The following ZRANB2 variants were observed in gnomAD, a reference collection of about 807,000 sequenced individuals.
ZRANB2 encodes zinc finger RANBP2-type containing 2.
ZRANB2 carries 19 observed loss-of-function variants against 53.4 expected under a neutral mutation model. That is an observed-to-expected ratio of 0.36 (90% CI 0.25 to 0.52). ZRANB2 has a LOEUF of 0.52. Among genes scored for constraint, ZRANB2 ranks in the 20% least tolerant of loss-of-function variants. The probability of loss-of-function intolerance (pLI) is 0.93; values close to 1 mark genes in which losing one functional copy is unlikely to be tolerated. For missense variants in ZRANB2, 309 were observed against 401.1 expected (o/e 0.77, Z 1.96); for synonymous variants, 145 against 134.8 (o/e 1.08, Z -0.52).
Position 71,069,377 on chromosome 1 carries a change from A to T in ZRANB2, c.684-15T>A. The T allele has an allele frequency of 6.2e-7, 1 of 1,610,868 alleles. No individual in the cohort carries two copies. The highest frequency in any genetic ancestry group is 1.1e-5 in the South Asian group (1 of 90,772). On this transcript the variant is annotated splice_polypyrimidine_tract_variant and intron_variant, in intron 7 of 9. Coordinates refer to ENST00000370920, the MANE Select transcript of ZRANB2 (RefSeq NM_203350.3). ...TTGAACGGGACCTGGAACAACATGG[A>T]ACGATTTTTTTTTTCCAGGACCATT...
At position 71,064,077 on chromosome 1, in the gene ZRANB2, AAAT is replaced by A. The variant is rs1277561158; in HGVS notation, c.*994_*996del. 4 of 152,482 alleles carry A rather than the reference AAAT, an allele frequency of 2.6e-5. No individual in the cohort carries two copies. The highest frequency in any genetic ancestry group is 4.8e-5 in the African/African-American group (2 of 41,464). The allele number at this position is 152,482 out of a possible 1,614,324, so 9.4% of individuals were successfully genotyped here. On this transcript the variant is annotated 3_prime_UTR_variant, in exon 10 of 10. Transcript: ENST00000370920. ...ATAACTTATTTCAAATGAATAGGAA[AAAT>A]AATGACTTTTGCTTACATCATGCAG...
intron 9 of ZRANB2, among the ~76,000 whole-genome samples, chr1:71,065,466 A>C (rs1251002243): frequency 6.6e-6 from 1 of 152,098 alleles, no homozygotes; most frequent in Non-Finnish European, 1.5e-5. Flanking sequence ...AAAAGCATAT[A>C]AACTTGGTAA....
At chr1:71,075,143 A>G (rs966249037) in intron 4 of ZRANB2, among the ~76,000 whole-genome samples, 1 of 152,222 alleles carries the variant, frequency 6.6e-6, no homozygotes, top group Non-Finnish European at 1.5e-5. Context: ...CCTAAAAGCA[A>G]TCAAAATGGG....
rs1210968078 is a variant in ZRANB2, at chr1:71,066,672, G to A, written c.929+104C>T. 1.3e-5 allele frequency: 16 copies of A among 1,216,938 alleles called. No homozygotes were observed. In the South Asian group the frequency reaches 1.9e-4, roughly 14 times the overall value. 75.4% of individuals were successfully genotyped at this position (1,216,938 alleles called of 1,614,324 possible). On this transcript the variant is annotated intron_variant, in intron 9 of 9. Coordinates refer to ENST00000370920, the MANE Select transcript of ZRANB2 (RefSeq NM_203350.3). The stretch of plus-strand genomic sequence containing the variant: ...GTTCAAAGTTGAAAAGTAGAAAGTC[G>A]GAACACAAGAGATAATAAAAATCTA...
intron 7 of ZRANB2, among the ~76,000 whole-genome samples, chr1:71,069,809 A>T (rs1011568918): frequency 6.6e-6 from 1 of 152,086 alleles, no homozygotes; most frequent in Non-Finnish European, 1.5e-5. Flanking sequence ...TTTCATCCCT[A>T]TATTTTTCTG....
intron 9 of ZRANB2, 166 bp downstream of exon 9, chr1:71,066,610 A>G (rs1661445340): frequency 3.7e-6 from 2 of 547,450 alleles, no homozygotes; most frequent in Non-Finnish European, 3.0e-6. Flanking sequence ...CAACCTGATC[A>G]AAGTACAAAG....
At position 71,069,174 on chromosome 1, in the gene ZRANB2, T is replaced by G. The variant is rs554305655; in HGVS notation, c.770+102A>C. On this transcript the variant is annotated intron_variant, in intron 8 of 9. Coordinates refer to ENST00000370920, the MANE Select transcript of ZRANB2 (RefSeq NM_203350.3). Reference sequence around the variant, plus strand: ...TTAGTTTTCTAATGCTAAAATAAAATCGACAAGTAGAAGCAAAATAAGGGG... The same window carrying G: ...TTAGTTTTCTAATGCTAAAATAAAAGCGACAAGTAGAAGCAAAATAAGGGG... 4 of 899,654 alleles carry G rather than the reference T, an allele frequency of 4.4e-6. No individual in the cohort carries two copies. The South Asian group carries it at 7.5e-5, about 17-fold the overall frequency. 55.7% of individuals were successfully genotyped at this position (899,654 alleles called of 1,614,324 possible).
In ZRANB2 at chr1:71,078,793, T is replaced by A. The variant is rs1573062702; in HGVS notation, c.57-85A>T. ...CTTGTCCTCACTACATATCTGGAAT[T>A]CATAACTTCTAATCCATCTTAGTCA... On this transcript the variant is annotated intron_variant, in intron 1 of 9. Transcript: ENST00000370920. 2.0e-5 allele frequency: 23 copies of A among 1,142,522 alleles called. No individual in the cohort carries two copies. The East Asian group carries it at 5.8e-4, about 29-fold the overall frequency. The allele number at this position is 1,142,522 out of a possible 1,614,324, so 70.8% of individuals were successfully genotyped here.
chr1:71,071,987 A>G, intron 6 of ZRANB2, 134 bp downstream of exon 6: 1 of 1,339,134 alleles, frequency 7.5e-7, no homozygotes, highest in Non-Finnish European at 1.0e-6. Context: ...GCAGAGTGGA[A>G]ATCCAAAACC....
intron 8 of ZRANB2, among the ~76,000 whole-genome samples, chr1:71,068,203 C>G (rs538084818): frequency 4.1e-4 from 63 of 152,118 alleles, no homozygotes; most frequent in Non-Finnish European, 8.1e-4. Flanking sequence ...TGCAAGTGTG[C>G]ACAACATTCT....
chr1:71,072,325 T>A (rs1661613128), intron 5 of ZRANB2, 70 bp from the exon 6 acceptor site: 26 of 1,462,066 alleles, frequency 1.8e-5, no homozygotes, highest in African/African-American at 2.9e-5. Flanking sequence ...TTCTAAAAAA[T>A]TATTTTAGAT....
intron 4 of ZRANB2, among the ~76,000 whole-genome samples, chr1:71,074,655 G>T (rs1197492635): frequency 2.0e-5 from 3 of 149,132 alleles, no homozygotes; most frequent in African/African-American, 7.4e-5. Context: ...ATCTTTAATG[G>T]TTTTTTTTTT....
chr1:71,069,484 T>C (rs1573053545), intron 7 of ZRANB2, 122 bp from the exon 8 acceptor site: 2 of 562,758 alleles, frequency 3.6e-6, no homozygotes, highest in South Asian at 6.1e-5. Flanking sequence ...CTATACAAGA[T>C]ATATACTTTC....
chr1:71,065,575 T>A (rs1353231147), intron 9 of ZRANB2: 3 of 1,447,076 alleles, frequency 2.1e-6, no homozygotes, highest in Non-Finnish European at 2.7e-6. Context: ...TATGAGAAAA[T>A]ATACTCATAA....
intron 1 of ZRANB2, among the ~76,000 whole-genome samples, chr1:71,079,954 G>A (rs1379032046): frequency 2.6e-5 from 4 of 151,482 alleles, no homozygotes; most frequent in Admixed American, 6.6e-5. Flanking sequence ...TTTGCTACAC[G>A]TCACTGTTTA....
At chr1:71,072,098 A>G in intron 6 of ZRANB2, 23 bp downstream of exon 6, 1 of 1,601,128 alleles carries the variant, frequency 6.2e-7, no homozygotes, top group Non-Finnish European at 8.5e-7. Context: ...ACAAAAGGGA[A>G]ATAGGACAAG....
intron 6 of ZRANB2, 93 bp from the exon 7 acceptor site, chr1:71,071,089 G>T: frequency 9.6e-7 from 1 of 1,038,836 alleles, no homozygotes; most frequent in Non-Finnish European, 1.3e-6. Context: ...ACCTCCATAT[G>T]CATATATCAC....
chr1:71,066,335 G>C (rs1040462821), intron 9 of ZRANB2: 1 of 155,230 alleles, frequency 6.4e-6, no homozygotes, highest in Non-Finnish European at 1.4e-5. Context: ...ATTTGCTGTG[G>C]AAATGCATTT....
Position 71,072,117 on chromosome 1 carries a change from T to G in ZRANB2, c.513+4A>C, listed in dbSNP as rs750307644. On this transcript the variant is annotated splice_donor_region_variant and intron_variant, in intron 6 of 9. Transcript: ENST00000370920. ...AAGGGAAATAGGACAAGAAAATTGT[T>G]CACCTCATCTAACTTATATTTAGAA... 2.2e-5 allele frequency: 36 copies of G among 1,602,658 alleles called. No homozygotes were observed. Among genetic ancestry groups the G allele is most frequent in the Non-Finnish European group, 1.4e-5 (17 of 1,176,892 alleles).
Sources: allele counts gnomAD v4.1 joint callset (sites outside exome capture counted in the v4.1 genomes callset), GRCh38; gene constraint gnomAD v4.1.1; transcripts MANE v1.5; gene names NCBI Gene and HGNC (gene_info 2026-07-23, HGNC 2026-07-21).